The following MLLT10 variants were observed in gnomAD, a reference collection of about 807,000 sequenced individuals.
MLLT10 encodes MLLT10 histone lysine methyltransferase DOT1L cofactor, also known as protein AF-10.
A neutral mutation model predicts 129.1 loss-of-function variants in MLLT10; 30 were observed. The observed-to-expected ratio is 0.23, with a 90% confidence interval of 0.17 to 0.32. The LOEUF is 0.32. Among genes scored for constraint, MLLT10 ranks in the 10% least tolerant of loss-of-function variants. The pLI is 1.00. For missense variants in MLLT10, 1,119 were observed against 1,268.3 expected, an observed-to-expected ratio of 0.88 and a Z score of 1.79; for synonymous variants, 490 against 446.4, an observed-to-expected ratio of 1.10 and a Z score of -1.23.
At chr10:21,665,312 G>A (rs563388901) in intron 9 of MLLT10, among the ~76,000 whole-genome samples, 3 of 130,588 alleles carry the variant, frequency 2.3e-5, no homozygotes, top group South Asian at 5.5e-4. Flanking sequence ...GGGGGGGGGG[G>A]GGTTTCACTC....
chr10:21,689,568 TATATATATATATATATA>T (rs1418269221), intron 13 of MLLT10, among the ~76,000 whole-genome samples: 1 of 67,886 alleles, frequency 1.5e-5, no homozygotes, highest in African/African-American at 4.2e-5. Context: ...TATATATGTA[TATATATATATATATATA>T]TATAGCGTGT....
chr10:21,622,313 A>G (rs1255287216), intron 8 of MLLT10, among the ~76,000 whole-genome samples: 1 of 147,486 alleles, frequency 6.8e-6, no homozygotes, highest in Non-Finnish European at 1.5e-5. Flanking sequence ...GTATGCCACT[A>G]TGCCGGCCAA....
At chr10:21,668,941 G>A in intron 9 of MLLT10, 3 of 1,313,138 alleles carry the variant, frequency 2.3e-6, no homozygotes, top group Non-Finnish European at 3.0e-6. Context: ...AGATGTGAGA[G>A]GAATGGAGAA....
chr10:21,567,166 G>A (rs564338106), intron 3 of MLLT10, among the ~76,000 whole-genome samples: 29 of 152,082 alleles, frequency 1.9e-4, no homozygotes, highest in Non-Finnish European at 3.1e-4. Flanking sequence ...GGGCATTTTT[G>A]TATTGTCATG....
chr10:21,729,204 C>G (rs925781747), intron 16 of MLLT10, among the ~76,000 whole-genome samples: 2 of 151,976 alleles, frequency 1.3e-5, no homozygotes, highest in East Asian at 1.9e-4. Flanking sequence ...TGTTGTTTTT[C>G]TTTTCAAAGA....
chr10:21,538,493 G>A (rs1031085826), intron 2 of MLLT10, among the ~76,000 whole-genome samples: 2 of 151,466 alleles, frequency 1.3e-5, no homozygotes, highest in African/African-American at 4.9e-5. Flanking sequence ...TTTTTGTGGA[G>A]ATGGAGTCTC....
intron 13 of MLLT10, among the ~76,000 whole-genome samples, chr10:21,693,557 T>A (rs1589677051): frequency 6.6e-6 from 1 of 152,292 alleles, no homozygotes; most frequent in East Asian, 1.9e-4. Flanking sequence ...AAGCACACAC[T>A]CGTTTAAGAT....
At chr10:21,617,028 T>C in intron 7 of MLLT10, 84 bp from the exon 8 acceptor site, 1 of 508,474 alleles carries the variant, frequency 2.0e-6, no homozygotes, top group African/African-American at 2.0e-5. Flanking sequence ...ACTTTATAGT[T>C]GAATTGGTTT....
chr10:21,730,847 T>G, intron 16 of MLLT10, 53 bp from the exon 17 acceptor site: 1 of 1,594,062 alleles, frequency 6.3e-7, no homozygotes, highest in South Asian at 1.1e-5. Context: ...TAAGAAACTG[T>G]ACTCTCTTAA....
In MLLT10 at chr10:21,690,800, G is replaced by A. The variant is rs79902197; in HGVS notation, c.1699+8543G>A. 1.1e-4 allele frequency among the ~76,000 whole-genome samples: 17 copies of A among 152,010 alleles called. No homozygotes were observed. The East Asian group carries it at 3.1e-3, about 28-fold the overall frequency. ...TTGAGGCTTTCTAGACATGACTTTT[G>A]TATTTAATTTTTCTTTATCGTTTTC... On this transcript the variant is annotated intron_variant, in intron 13 of 22. Transcript: ENST00000307729.
chr10:21,602,603 A>T (rs1056658287), intron 5 of MLLT10, among the ~76,000 whole-genome samples: 1 of 152,212 alleles, frequency 6.6e-6, no homozygotes, highest in Non-Finnish European at 1.5e-5. Context: ...TTTTAAGGGA[A>T]TATAAGTAAC....
At chr10:21,689,835 A>T (rs951665771) in intron 13 of MLLT10, among the ~76,000 whole-genome samples, 11 of 151,618 alleles carry the variant, frequency 7.3e-5, no homozygotes, top group Non-Finnish European at 1.3e-4. Context: ...AAAAGATGGA[A>T]AAGAGCTAAT....
chr10:21,587,623 T>TA lies in MLLT10; in HGVS notation c.295+1282dup, dbSNP rs35713752. Among the ~76,000 whole-genome samples, 450 of 152,140 alleles carry TA rather than the reference T, an allele frequency of 3.0e-3. 2 individuals carry two copies. Among genetic ancestry groups the TA allele is most frequent in the Non-Finnish European group, 4.4e-3 (297 of 68,000 alleles). On this transcript the variant is annotated intron_variant, in intron 4 of 22. Transcript: ENST00000307729. ...ACCATGGCATATATGATGAGGCAGC[T>TA]AAAAAAAGGTTAAGCTGCTATTACT...
intron 13 of MLLT10, among the ~76,000 whole-genome samples, chr10:21,701,284 A>G (rs1421265571): frequency 8.1e-6 from 1 of 123,982 alleles, no homozygotes; most frequent in Non-Finnish European, 1.7e-5. Context: ...CATTTCATTG[A>G]TTTTTTTTTT....
intron 3 of MLLT10, among the ~76,000 whole-genome samples, chr10:21,542,427 G>A (rs1222014459): frequency 2.0e-5 from 3 of 152,102 alleles, no homozygotes; most frequent in Non-Finnish European, 4.4e-5. Flanking sequence ...AAAATTAGCC[G>A]GGCGTGGTAG....
At chr10:21,682,313 G>A (rs1182826999) in intron 13 of MLLT10, 56 bp downstream of exon 13, 1 of 1,488,580 alleles carries the variant, frequency 6.7e-7, no homozygotes, top group East Asian at 2.3e-5. Flanking sequence ...GTTGCCTTTT[G>A]TAGAGAATCT....
intron 3 of MLLT10, among the ~76,000 whole-genome samples, chr10:21,546,369 G>A (rs555314275): frequency 6.0e-5 from 9 of 150,610 alleles, no homozygotes; most frequent in African/African-American, 9.8e-5. Context: ...GTGAGTGACC[G>A]TATCTGGCCA....
chr10:21,584,962 G>C (rs2041863541), intron 3 of MLLT10, among the ~76,000 whole-genome samples: 1 of 151,594 alleles, frequency 6.6e-6, no homozygotes, highest in South Asian at 2.1e-4. Flanking sequence ...CTGTAACCCA[G>C]GCTGGAGTGC....
At chr10:21,544,203 C>T (rs2035710758) in intron 3 of MLLT10, among the ~76,000 whole-genome samples, 1 of 152,206 alleles carries the variant, frequency 6.6e-6, no homozygotes, top group African/African-American at 2.4e-5. Context: ...ACTGTGTTAC[C>T]TCTTAACCAC....
Sources: allele counts gnomAD v4.1 joint callset (sites outside exome capture counted in the v4.1 genomes callset), GRCh38; gene constraint gnomAD v4.1.1; transcripts MANE v1.5; gene names NCBI Gene and HGNC (gene_info 2026-07-23, HGNC 2026-07-21).